Variants in ALCAM observed in about 807,000 individuals in gnomAD.
ALCAM encodes the protein activated leukocyte cell adhesion molecule.
In ALCAM, 30 loss-of-function variants were observed where a neutral mutation model predicts 70.9. The ratio of observed to expected loss-of-function variants is 0.42; its 90% CI spans 0.32 to 0.57. ALCAM has a LOEUF of 0.57. ALCAM is among the 20% of genes least tolerant of loss of function. The pLI, the probability that ALCAM is intolerant of heterozygous loss-of-function variation, is 0.11. For synonymous variants in ALCAM, 249 were observed against 242.5 expected (o/e 1.03, Z -0.25); for missense variants, 591 against 695.1 (o/e 0.85, Z 1.68).
Position 105,547,453 on chromosome 3 carries a change from G to A in ALCAM, c.1304G>A (p.Cys435Tyr). The A allele has an allele frequency of 6.2e-7, 1 of 1,610,596 alleles. No individual in the cohort carries two copies. Among genetic ancestry groups the A allele is most frequent in the Non-Finnish European group, 8.5e-7 (1 of 1,177,744 alleles). Residue 435 changes from cysteine (C) to tyrosine (Y), a missense_variant, in exon 11 of 16, where the codon TGC becomes TAC. Transcript: ENST00000306107. Reference protein sequence around the residue: ...DPSGLSKTIICHVEGFPKPAI... With the variant: ...DPSGLSKTIIYHVEGFPKPAI... Reference sequence around the variant, plus strand: ...AGTGGACTATCTAAAACAATAATCTGCCATGTGGAAGGTTTTCCAAAGCCA... The same window carrying A: ...AGTGGACTATCTAAAACAATAATCTACCATGTGGAAGGTTTTCCAAAGCCA...
chr3:105,550,861 G>A (rs947158346), intron 12 of ALCAM, among the ~76,000 whole-genome samples: 3 of 151,582 alleles, frequency 2.0e-5, no homozygotes, highest in African/African-American at 7.3e-5. Context: ...AAAATCTGTC[G>A]ATGTTGAAAT....
At chr3:105,526,472 C>T (rs1027751324) in intron 3 of ALCAM, among the ~76,000 whole-genome samples, 9 of 151,960 alleles carry the variant, frequency 5.9e-5, no homozygotes, top group African/African-American at 1.5e-4. Flanking sequence ...CCCCACCTAC[C>T]GCCAACACCC....
chr3:105,557,633 C>T (rs903445991), intron 14 of ALCAM, among the ~76,000 whole-genome samples: 1 of 152,158 alleles, frequency 6.6e-6, no homozygotes, highest in African/African-American at 2.4e-5. Flanking sequence ...CCATCATCTA[C>T]CCTAAAGAAA....
intron 1 of ALCAM, among the ~76,000 whole-genome samples, chr3:105,478,092 T>C (rs915428341): frequency 6.6e-6 from 1 of 152,250 alleles, no homozygotes; most frequent in South Asian, 2.1e-4. Context: ...ATTGCTCATA[T>C]TTCTCTGTTT....
chr3:105,539,833 C>A, intron 6 of ALCAM, 142 bp from the exon 7 acceptor site: 1 of 745,274 alleles, frequency 1.3e-6, no homozygotes, highest in Non-Finnish European at 2.0e-6. Flanking sequence ...TAGCTTCAAT[C>A]CTTCTATAAA....
intron 3 of ALCAM, 36 bp downstream of exon 3, chr3:105,524,544 A>G: frequency 6.2e-7 from 1 of 1,612,400 alleles, no homozygotes; most frequent in Non-Finnish European, 8.5e-7. Flanking sequence ...GCTAAGTGGG[A>G]TTGATGGCCA....
At chr3:105,490,256 C>G (rs1302310000) in intron 1 of ALCAM, among the ~76,000 whole-genome samples, 1 of 152,188 alleles carries the variant, frequency 6.6e-6, no homozygotes, top group African/African-American at 2.4e-5. Flanking sequence ...TCTTCCATTC[C>G]TACCCTTTCA....
At chr3:105,571,354 G>T (rs1306846339) in intron 14 of ALCAM, among the ~76,000 whole-genome samples, 3 of 152,142 alleles carry the variant, frequency 2.0e-5, no homozygotes, top group Non-Finnish European at 4.4e-5. Flanking sequence ...CATAAACTTG[G>T]TCTCAATAAT....
intron 1 of ALCAM, among the ~76,000 whole-genome samples, chr3:105,401,661 A>T (rs1018140106): frequency 2.0e-4 from 30 of 152,184 alleles, no homozygotes; most frequent in Non-Finnish European, 1.2e-4. Flanking sequence ...TGACTCTTTT[A>T]GAAAGACTTC....
rs185059297 is a variant in ALCAM, at chr3:105,512,316, A to G, written c.74-7751A>G. Among the ~76,000 whole-genome samples, 255 of 149,990 alleles carry G rather than the reference A, an allele frequency of 1.7e-3. 2 individuals are homozygous for G. The highest frequency in any genetic ancestry group is 2.7e-3 in the Non-Finnish European group (180 of 67,312). The stretch of plus-strand genomic sequence containing the variant: ...ATTTTCCATTACTTCAGATGATTCA[A>G]TTAAGATCCTTTGGGAAGCATTATG... On this transcript the variant is annotated intron_variant, in intron 1 of 15. Transcript: ENST00000306107.
At position 105,468,484 on chromosome 3, in the gene ALCAM, C is replaced by T. The variant is rs551842102; in HGVS notation, c.74-51583C>T. On this transcript the variant is annotated intron_variant, in intron 1 of 15. Transcript: ENST00000306107. Reference sequence around the variant, plus strand: ...CATCCATTCAATAATATTAATTTGTCATAAAAGAATATAGAATATGCATCA... The same window carrying T: ...CATCCATTCAATAATATTAATTTGTTATAAAAGAATATAGAATATGCATCA... Among the ~76,000 whole-genome samples, 3 of 151,252 alleles carry T rather than the reference C, an allele frequency of 2.0e-5. No homozygotes were observed. In the East Asian group the frequency reaches 5.8e-4, roughly 29 times the overall value.
In ALCAM at chr3:105,481,141, GTATCTTT is replaced by G. The variant is rs142947762; in HGVS notation, c.74-38923_74-38917del. ...GCAGCCTTAGGGTGAAAAGTGAAAT[GTATCTTT>G]TACCCAGAAAGTTAAGGAAAAAATT... is the stretch of plus-strand genomic sequence containing the variant. On this transcript the variant is annotated intron_variant, in intron 1 of 15. Transcript: ENST00000306107. Among the ~76,000 whole-genome samples the G allele has an allele frequency of 4.8e-3, 732 of 152,148 alleles. 10 individuals carry two copies. Among genetic ancestry groups the G allele is most frequent in the African/African-American group, 0.016 (682 of 41,514 alleles).
At chr3:105,474,782 A>T (rs1938054119) in intron 1 of ALCAM, among the ~76,000 whole-genome samples, 1 of 151,780 alleles carries the variant, frequency 6.6e-6, no homozygotes. Context: ...TTAATAGTTT[A>T]CTTATTATAA....
chr3:105,404,744 C>G (rs961658500), intron 1 of ALCAM, among the ~76,000 whole-genome samples: 4 of 151,332 alleles, frequency 2.6e-5, no homozygotes, highest in Non-Finnish European at 5.9e-5. Context: ...TATCTCAATA[C>G]TAACATTGAA....
Position 105,563,749 on chromosome 3 carries a change from G to A in ALCAM, c.1665-8103G>A, listed in dbSNP as rs527682175. Among the ~76,000 whole-genome samples, 12 of 124,722 alleles carry A rather than the reference G, an allele frequency of 9.6e-5. No individual in the cohort carries two copies. In the East Asian group the frequency reaches 2.6e-3, roughly 27 times the overall value. 81.8% of individuals were successfully genotyped at this position (124,722 alleles called of 152,430 possible). On this transcript the variant is annotated intron_variant, in intron 14 of 15. Transcript: ENST00000306107. The stretch of plus-strand genomic sequence containing the variant: ...AGGCCGGACTGCGGACTGCAGTGGC[G>A]CAATCTCGGCTCACTGCAAGCTCCG...
At chr3:105,373,753 A>G (rs1935303550) in intron 1 of ALCAM, among the ~76,000 whole-genome samples, 1 of 152,232 alleles carries the variant, frequency 6.6e-6, no homozygotes, top group African/African-American at 2.4e-5. Context: ...AGTCTAGTTA[A>G]GAGCTTGACA....
intron 1 of ALCAM, among the ~76,000 whole-genome samples, chr3:105,408,050 G>A (rs1936293815): frequency 6.6e-6 from 1 of 152,058 alleles, no homozygotes; most frequent in South Asian, 2.1e-4. Flanking sequence ...ACTGCTGAAA[G>A]AAATAATACA....
At chr3:105,391,220 A>G (rs1202468833) in intron 1 of ALCAM, among the ~76,000 whole-genome samples, 1 of 152,054 alleles carries the variant, frequency 6.6e-6, no homozygotes, top group African/African-American at 2.4e-5. Flanking sequence ...GATTCTTCCT[A>G]TCCATGAGCA....
At chr3:105,447,746 T>C (rs1404966698) in intron 1 of ALCAM, among the ~76,000 whole-genome samples, 2 of 152,224 alleles carry the variant, frequency 1.3e-5, no homozygotes, top group Non-Finnish European at 2.9e-5. Context: ...AGTTTGTGTT[T>C]ATACCTTTGT....
Sources: allele counts gnomAD v4.1 joint callset (sites outside exome capture counted in the v4.1 genomes callset), GRCh38; gene constraint gnomAD v4.1.1; transcripts MANE v1.5; gene names NCBI Gene and HGNC (gene_info 2026-07-23, HGNC 2026-07-21).